FKBP8: variants seen among roughly 807,000 people sequenced by gnomAD.
FKBP8 encodes the protein FKBP prolyl isomerase 8, also known as peptidyl-prolyl cis-trans isomerase FKBP8.
FKBP8 carries 5 observed loss-of-function variants against 41.7 expected under a neutral mutation model. The observed-to-expected ratio is 0.12, with a 90% confidence interval of 0.06 to 0.25. FKBP8 has a LOEUF of 0.25. Among genes scored for constraint, FKBP8 ranks in the 10% least tolerant of loss-of-function variants. The pLI is 1.00. For synonymous variants in FKBP8, 279 were observed against 254.5 expected (o/e 1.10, Z -0.92); for missense variants, 397 against 563.0 (o/e 0.71, Z 2.98).
rs1182452268 is a variant in FKBP8 at position 18,541,724 on chromosome 19, C to T, written c.247G>A (p.Glu83Lys). 2.5e-6 allele frequency: 4 copies of T among 1,613,414 alleles called. No individual in the cohort carries two copies. Among genetic ancestry groups the T allele is most frequent in the Non-Finnish European group, 2.5e-6 (3 of 1,179,630 alleles). Residue 83 changes from glutamate (E) to lysine (K), a missense_variant, in exon 2 of 9, where the codon GAG becomes AAG. Physicochemically the swap from Glu to Lys is moderately conservative, Grantham distance 56. This residue lies in a region of FKBP8 where 172 missense variants were observed against 196.2 expected (regional missense o/e 0.88). Coordinates refer to ENST00000608443, the MANE Select transcript of FKBP8 (RefSeq NM_012181.5). The stretch of plus-strand genomic sequence containing the variant: ...TCTGGGGCCGGGGCTGGGGCGGGCT[C>T]GGGCTCCATGGCAGCAAGGAACTCT... ...AREFLAAMEP[E>K]PAPAPAPEEW...
rs894942595 is a variant in FKBP8 at position 18,537,343 on chromosome 19, G to GAAAC, written c.945+254_945+257dup. Among the ~76,000 whole-genome samples, 4 of 151,946 alleles carry GAAAC rather than the reference G, an allele frequency of 2.6e-5. No homozygotes were observed. Among genetic ancestry groups the GAAAC allele is most frequent in the Admixed American group, 6.6e-5 (1 of 15,246 alleles). ...GTGACAGAGTGAGACTCTGTCTCAA[G>GAAAC]AAACAAACAAACAAACAAACAAAAA... On this transcript the variant is annotated intron_variant, in intron 6 of 8. Transcript: ENST00000608443. This position sits in a 1 kb window ranked among gnomAD's most constrained non-coding sequence, Gnocchi z 4.4.
At chr19:18,533,462 G>A (rs370555393) in intron 6 of FKBP8, 115 bp from the exon 7 acceptor site, 9 of 624,478 alleles carry the variant, frequency 1.4e-5, no homozygotes, top group Non-Finnish European at 2.1e-5. Context: ...TCCAGCTTGA[G>A]CAACAGAGCA....
chr19:18,540,480 C>T (rs1976673003), intron 2 of FKBP8, among the ~76,000 whole-genome samples: 1 of 151,676 alleles, frequency 6.6e-6, no homozygotes. Context: ...ACACCTGTAA[C>T]CCCAGCACTT....
At chr19:18,534,371 AG>A (rs1453390514) in intron 6 of FKBP8, among the ~76,000 whole-genome samples, 4 of 152,134 alleles carry the variant, frequency 2.6e-5, no homozygotes, top group Non-Finnish European at 2.9e-5. Context: ...TGCCAAATGG[AG>A]CTCTGGCAAC....
chr19:18,543,368 C>T (rs1976754718), intron 1 of FKBP8, 118 bp downstream of exon 1: 1 of 136,322 alleles, frequency 7.3e-6, no homozygotes, highest in South Asian at 2.4e-4. Flanking sequence ...GCTCGCCACC[C>T]CCGCGGCCCC....
chr19:18,542,150 C>G, intron 1 of FKBP8, 155 bp from the exon 2 acceptor site: 1 of 1,144,672 alleles, frequency 8.7e-7, no homozygotes, highest in East Asian at 2.6e-5. Context: ...ACAACAACCC[C>G]AGCTTGTTGG....
At chr19:18,541,437 G>A (rs1976696939) in intron 2 of FKBP8, among the ~76,000 whole-genome samples, 1 of 152,216 alleles carries the variant, frequency 6.6e-6, no homozygotes, top group Non-Finnish European at 1.5e-5. Flanking sequence ...CTCTGGGCAG[G>A]TGACTCAGCC....
chr19:18,536,688 A>G (rs1036952019), intron 6 of FKBP8, among the ~76,000 whole-genome samples: 2 of 152,156 alleles, frequency 1.3e-5, no homozygotes, highest in Non-Finnish European at 2.9e-5. Context: ...CTGAGCACCT[A>G]CTATGTACCT....
chr19:18,539,310 C>T (rs1976648212), intron 4 of FKBP8, 61 bp downstream of exon 4: 38 of 1,429,106 alleles, frequency 2.7e-5, no homozygotes, highest in Non-Finnish European at 3.0e-5. Flanking sequence ...CCGAGGGGTA[C>T]ACCCACTCCA....
chr19:18,542,223 A>G (rs781173536), intron 1 of FKBP8: 2 of 512,412 alleles, frequency 3.9e-6, no homozygotes, highest in Non-Finnish European at 6.7e-6. Flanking sequence ...CCATTATTAG[A>G]GCTAATTATT....
rs1165932658 is a variant in FKBP8 at position 18,538,808 on chromosome 19, C to CTTTTTTTTTT, written c.552-382_552-373dup. On this transcript the variant is annotated intron_variant, in intron 4 of 8. Coordinates refer to ENST00000608443, the MANE Select transcript of FKBP8 (RefSeq NM_012181.5). This position sits in a 1 kb window ranked among gnomAD's most constrained non-coding sequence, Gnocchi z 4.0. The stretch of plus-strand genomic sequence containing the variant: ...GACTACAGGTGTGCACCACACCCAG[C>CTTTTTTTTTT]TTTTTTTTTTTTTTTTTTTTTTTTT... 9.8e-6 allele frequency among the ~76,000 whole-genome samples: 1 copy of CTTTTTTTTTT among 102,206 alleles called. No homozygotes were observed. Among genetic ancestry groups the CTTTTTTTTTT allele is most frequent in the Non-Finnish European group, 1.8e-5 (1 of 55,794 alleles). 67.1% of individuals were successfully genotyped at this position (102,206 alleles called of 152,430 possible). A position where few individuals can be genotyped will look rare whatever the true frequency, so the allele number is the denominator to read the frequency against.
intron 6 of FKBP8, among the ~76,000 whole-genome samples, chr19:18,534,604 C>A (rs1208616477): frequency 1.3e-5 from 2 of 151,656 alleles, no homozygotes; most frequent in Non-Finnish European, 2.9e-5. Flanking sequence ...CCTTTAGAGA[C>A]AGGGTCTTGA....
chr19:18,533,355 G>A lies in FKBP8; in HGVS notation c.946-8C>T, dbSNP rs1409463345. ...CCCCTGCTGGGCCAGCACCTGTAAG[G>A]GGAAGGGGGTGGCATCACTCTGGAC... is the stretch of plus-strand genomic sequence containing the variant. On this transcript the variant is annotated splice_polypyrimidine_tract_variant and splice_region_variant and intron_variant, in intron 6 of 8. Coordinates refer to ENST00000608443, the MANE Select transcript of FKBP8 (RefSeq NM_012181.5). 2 of 1,598,056 alleles carry A rather than the reference G, an allele frequency of 1.3e-6. No homozygotes were observed. Among genetic ancestry groups the A allele is most frequent in the Admixed American group, 1.7e-5 (1 of 58,362 alleles).
At chr19:18,542,927 AC>A (rs1976741948) in intron 1 of FKBP8, 2 of 1,250,092 alleles carry the variant, frequency 1.6e-6, no homozygotes. Flanking sequence ...ACTTTGAGAG[AC>A]CCTCCCAGCC....
intron 7 of FKBP8, 43 bp downstream of exon 7, chr19:18,533,227 C>G: frequency 6.6e-7 from 1 of 1,511,014 alleles, no homozygotes. Flanking sequence ...GCAGGAGGGA[C>G]TTCCCAGCCG....
chr19:18,533,285 C>T lies in FKBP8; in HGVS notation c.1008G>A (p.Leu336=), dbSNP rs1487158247. Reference sequence around the variant, plus strand: ...TCCTGCTCACCTTGTTGGAAGGTTCCAGCTTCAGGGCTGCCCTCAGGATGG... The same window carrying T: ...TCCTGCTCACCTTGTTGGAAGGTTCTAGCTTCAGGGCTGCCCTCAGGATGG... The part of the protein sequence containing the change: ...AIPILRAALK[L]EPSNKTIHAE... The change falls in exon 7 of 9, where the codon CTG becomes CTA. Residue 336 remains leucine (L), a synonymous_variant. Transcript: ENST00000608443. 1.3e-6 allele frequency: 2 copies of T among 1,599,754 alleles called. No individual in the cohort carries two copies. The highest frequency in any genetic ancestry group is 8.5e-7 in the Non-Finnish European group (1 of 1,173,066).
chr19:18,534,053 C>T (rs1976514096), intron 6 of FKBP8, among the ~76,000 whole-genome samples: 1 of 149,580 alleles, frequency 6.7e-6, no homozygotes, highest in Admixed American at 6.7e-5. Flanking sequence ...CACCTGTAAT[C>T]CCAGCACTTT....
Position 18,541,692 on chromosome 19 carries a change from C to T in FKBP8, c.279G>A (p.Trp93Ter). The T allele has an allele frequency of 6.2e-7, 1 of 1,608,326 alleles. No individual in the cohort carries two copies. The highest frequency in any genetic ancestry group is 2.2e-5 in the East Asian group (1 of 44,774). Residue 93 changes from tryptophan to a stop codon, truncating the protein, a stop_gained, in exon 2 of 9, where the codon TGG becomes TGA. Coordinates refer to ENST00000608443, the MANE Select transcript of FKBP8 (RefSeq NM_012181.5). LOFTEE classifies it high-confidence loss of function. ...TTTGCTCCTTACCCAGAATGTCCAGCCACTCTTCTGGGGCCGGGGCTGGGG... is the reference window on the plus strand; with the variant it reads ...TTTGCTCCTTACCCAGAATGTCCAGTCACTCTTCTGGGGCCGGGGCTGGGG... ...EPAPAPAPEEWLDILGNGLLR... is the reference protein window; with the variant it reads ...EPAPAPAPEE
chr19:18,540,950 A>C (rs1167169582), intron 2 of FKBP8, among the ~76,000 whole-genome samples: 3 of 152,094 alleles, frequency 2.0e-5, no homozygotes, highest in South Asian at 2.1e-4. Context: ...CATCAGTGTC[A>C]ATATGATTGG....
Sources: gnomAD v4.1 joint callset for allele counts (sites outside exome capture counted in the v4.1 genomes callset) on GRCh38, gnomAD v4.1.1 for gene constraint, gnomAD v4.1.1 regional missense constraint, Gnocchi (gnomAD v3.1) non-coding constraint, MANE v1.5 for transcripts, NCBI Gene and HGNC (gene_info 2026-07-23, HGNC 2026-07-21) for gene names.